ZNF99: variants seen among roughly 807,000 people sequenced by gnomAD.
ZNF99 encodes zinc finger protein ENSP00000375192.
A neutral mutation model predicts 12.8 loss-of-function variants in ZNF99; 8 were observed. The observed-to-expected ratio is 0.62, with a 90% CI of 0.37 to 1.13. ZNF99 has a LOEUF of 1.13. ZNF99 is among the 50% of genes most tolerant of loss of function. The pLI, the probability that ZNF99 is intolerant of heterozygous loss-of-function variation, is 0.02. For synonymous variants in ZNF99, 318 were observed against 319.0 expected (o/e 1.00, Z 0.03); for missense variants, 1,007 against 1,006.2 (o/e 1.00, Z -0.01).
chr19:22,757,713 G>C lies in ZNF99; in HGVS notation c.2196C>G (p.Pro732=). The C allele has an allele frequency of 6.2e-7, 1 of 1,611,928 alleles. No individual in the cohort carries two copies. Among genetic ancestry groups the C allele is most frequent in the Non-Finnish European group, 8.5e-7 (1 of 1,179,638 alleles). Residue 732 remains proline (P), a synonymous_variant, in exon 4 of 4, where the codon CCC becomes CCG. Transcript: ENST00000596209. Reference sequence around the variant, plus strand: ...CTTTACCACATTCTTCACATTTGTAGGGTTTCTCTCCAGTATGAATTATCT... The same window carrying C: ...CTTTACCACATTCTTCACATTTGTACGGTTTCTCTCCAGTATGAATTATCT... The part of the protein sequence containing the change: ...KHEIIHTGEK[P]YKCEECGKAF...
chr19:22,764,187 A>G (rs1268899264), intron 3 of ZNF99, among the ~76,000 whole-genome samples: 2 of 152,050 alleles, frequency 1.3e-5, no homozygotes, highest in Non-Finnish European at 2.9e-5. Flanking sequence ...GATTACAGGC[A>G]TGAGCCACCG....
intron 1 of ZNF99, among the ~76,000 whole-genome samples, chr19:22,780,855 A>C (rs982224080): frequency 5.3e-5 from 8 of 151,270 alleles, no homozygotes; most frequent in African/African-American, 1.7e-4. Context: ...TGATGTTTTC[A>C]TGAATCTAAG....
intron 1 of ZNF99, among the ~76,000 whole-genome samples, chr19:22,778,834 G>A (rs1251901014): frequency 3.3e-5 from 5 of 151,874 alleles, no homozygotes; most frequent in Admixed American, 1.3e-4. Context: ...AAGAAACCTC[G>A]TCTCTACTAA....
Position 22,784,106 on chromosome 19 carries a change from A to G in ZNF99, c.-90T>C. The G allele has an allele frequency of 1.4e-6, 2 of 1,444,066 alleles. No homozygotes were observed. Among genetic ancestry groups the G allele is most frequent in the South Asian group, 1.2e-5 (1 of 82,398 alleles). 89.5% of individuals were successfully genotyped at this position (1,444,066 alleles called of 1,614,324 possible). A position where few individuals can be genotyped will look rare whatever the true frequency, so the allele number is the denominator to read the frequency against. ...GCCACAGAGGCTAAGGACACAGAGC[A>G]GTAAAAACGAGATCCGGAGCTCCAG... On this transcript the variant is annotated 5_prime_UTR_variant, in exon 1 of 4. Coordinates refer to ENST00000596209, the MANE Select transcript of ZNF99 (RefSeq NM_001080409.3).
chr19:22,775,744 G>C lies in ZNF99; in HGVS notation c.4-6420C>G, dbSNP rs1167204599. ...CCTCCTTAAAAGTAAACAAAACGCAGCCAGGCGCGGTGGCTCATGCCTGTA... is the reference window on the plus strand; with the variant it reads ...CCTCCTTAAAAGTAAACAAAACGCACCCAGGCGCGGTGGCTCATGCCTGTA... On this transcript the variant is annotated intron_variant, in intron 1 of 3. Transcript: ENST00000596209. 2.0e-5 allele frequency among the ~76,000 whole-genome samples: 3 copies of C among 152,238 alleles called. No homozygotes were observed. The East Asian group carries it at 5.8e-4, about 29-fold the overall frequency.
intron 1 of ZNF99, among the ~76,000 whole-genome samples, chr19:22,780,635 C>T (rs1477215115): frequency 2.0e-5 from 3 of 149,938 alleles, no homozygotes; most frequent in East Asian, 3.9e-4. Flanking sequence ...AGGTTACAGT[C>T]AGCCAAGATC....
At chr19:22,767,757 A>G (rs1486268235) in intron 3 of ZNF99, among the ~76,000 whole-genome samples, 2 of 152,186 alleles carry the variant, frequency 1.3e-5, no homozygotes, top group Non-Finnish European at 2.9e-5. Context: ...ATGGACTGTA[A>G]TATTTTACAT....
chr19:22,779,220 A>C (rs565119087), intron 1 of ZNF99, among the ~76,000 whole-genome samples: 1 of 148,778 alleles, frequency 6.7e-6, no homozygotes, highest in East Asian at 2.0e-4. Context: ...CCTTTTTCTC[A>C]TTAAAAAATA....
intron 1 of ZNF99, among the ~76,000 whole-genome samples, chr19:22,778,185 T>C (rs1454446551): frequency 1.3e-5 from 2 of 151,762 alleles, no homozygotes; most frequent in Non-Finnish European, 2.9e-5. Context: ...GGCGGTCTGT[T>C]ATTAGAACTT....
At position 22,756,378 on chromosome 19, in the gene ZNF99, G is replaced by C. The variant is rs1489210739; in HGVS notation, c.*936C>G. ...TTGCCACATTCTTCACATTTGTAGGGTTTCTCTCCAGAATGAATTATCTTA... is the reference window on the plus strand; with the variant it reads ...TTGCCACATTCTTCACATTTGTAGGCTTTCTCTCCAGAATGAATTATCTTA... On this transcript the variant is annotated 3_prime_UTR_variant, in exon 4 of 4. Coordinates refer to ENST00000596209, the MANE Select transcript of ZNF99 (RefSeq NM_001080409.3). 6.3e-7 allele frequency: 1 copy of C among 1,596,040 alleles called. No homozygotes were observed. The highest frequency in any genetic ancestry group is 8.5e-7 in the Non-Finnish European group (1 of 1,174,032).
chr19:22,763,154 A>C (rs1973167906), intron 3 of ZNF99, among the ~76,000 whole-genome samples: 1 of 152,132 alleles, frequency 6.6e-6, no homozygotes, highest in South Asian at 2.1e-4. Flanking sequence ...AAAAGAGAAA[A>C]AAATAAAGGG....
chr19:22,777,021 A>G (rs1447033145), intron 1 of ZNF99, among the ~76,000 whole-genome samples: 1 of 152,110 alleles, frequency 6.6e-6, no homozygotes, highest in Non-Finnish European at 1.5e-5. Context: ...GCTTGGTGGC[A>G]CACACCTGTA....
At position 22,759,207 on chromosome 19, in the gene ZNF99, A is replaced by G; in HGVS notation, c.702T>C (p.Cys234=). 1.3e-6 allele frequency: 2 copies of G among 1,572,026 alleles called. No individual in the cohort carries two copies. The highest frequency in any genetic ancestry group is 1.7e-6 in the Non-Finnish European group (2 of 1,158,708). ...TTGAAGAGATGTTAAAAGCTTTGCCACATTTCTTATATTTGTAGGGTTTGT... is the reference window on the plus strand; with the variant it reads ...TTGAAGAGATGTTAAAAGCTTTGCCGCATTTCTTATATTTGTAGGGTTTGT... ...TEDKPYKYKK[C]GKAFNISSMF... is the part of the protein sequence containing the mutation. Residue 234 remains cysteine, a synonymous_variant, in exon 4 of 4, where the codon TGT becomes TGC. Coordinates refer to ENST00000596209, the MANE Select transcript of ZNF99 (RefSeq NM_001080409.3).
intron 3 of ZNF99, among the ~76,000 whole-genome samples, chr19:22,759,998 C>T (rs1275384310): frequency 2.0e-5 from 3 of 152,110 alleles, no homozygotes; most frequent in Non-Finnish European, 2.9e-5. Context: ...GACATGGTGT[C>T]GTTAGAAGTA....
Position 22,754,365 on chromosome 19 carries a change from TCAA to T in ZNF99, c.*2946_*2948del, listed in dbSNP as rs1568380697. On this transcript the variant is annotated 3_prime_UTR_variant, in exon 4 of 4. Transcript: ENST00000596209. ...TTGGGCGACAGAGTGAGACTCCATT[TCAA>T]AAAAAAAAAAAAAACTTTGCCACAT... is the stretch of plus-strand genomic sequence containing the variant. 5 of 371,518 alleles carry T rather than the reference TCAA, an allele frequency of 1.3e-5. No individual in the cohort carries two copies. Among genetic ancestry groups the T allele is most frequent in the East Asian group, 8.1e-5 (1 of 12,330 alleles). The allele number at this position is 371,518 out of a possible 1,614,324, so 23.0% of individuals were successfully genotyped here. A position where few individuals can be genotyped will look rare whatever the true frequency, so the allele number is the denominator to read the frequency against.
Position 22,755,287 on chromosome 19 carries a change from TAG to T in ZNF99, c.*2025_*2026del, listed in dbSNP as rs1238679683. ...AGCATTGCCACATTCTTCACATTTC[TAG>T]AGTTTGTCTTCAGTATCAACTATTT... On this transcript the variant is annotated 3_prime_UTR_variant, in exon 4 of 4. Transcript: ENST00000596209. 1 of 258,214 alleles carries T rather than the reference TAG, an allele frequency of 3.9e-6. No homozygotes were observed. Among genetic ancestry groups the T allele is most frequent in the Non-Finnish European group, 8.0e-6 (1 of 124,862 alleles). The allele number at this position is 258,214 out of a possible 1,614,324, so 16.0% of individuals were successfully genotyped here. A position where few individuals can be genotyped will look rare whatever the true frequency, so the allele number is the denominator to read the frequency against.
rs555552606 is a variant in ZNF99 at position 22,755,951 on chromosome 19, T to C, written c.*1363A>G. On this transcript the variant is annotated 3_prime_UTR_variant, in exon 4 of 4. Transcript: ENST00000596209. ...AAAGCTTTGTCACCTTTATTATATT[T>C]GTAGGGTTTTCCTCCAGTATCAATT... 93 of 457,440 alleles carry C rather than the reference T, an allele frequency of 2.0e-4. No homozygotes were observed. The Middle Eastern group carries it at 2.5e-3, about 12-fold the overall frequency. The allele number at this position is 457,440 out of a possible 1,614,324, so 28.3% of individuals were successfully genotyped here. A position where few individuals can be genotyped will look rare whatever the true frequency, so the allele number is the denominator to read the frequency against.
At chr19:22,769,455 G>T in intron 1 of ZNF99, 131 bp from the exon 2 acceptor site, 2 of 1,017,334 alleles carry the variant, frequency 2.0e-6, no homozygotes, top group Non-Finnish European at 2.8e-6. Flanking sequence ...AACGTATTCA[G>T]TAAAATAATT....
intron 3 of ZNF99, among the ~76,000 whole-genome samples, chr19:22,765,697 C>T (rs1188974575): frequency 2.0e-5 from 3 of 150,942 alleles, no homozygotes; most frequent in East Asian, 1.9e-4. Flanking sequence ...AAAAAAGCTA[C>T]ATGGTGGCCA....
Sources: gnomAD v4.1 joint callset for allele counts (sites outside exome capture counted in the v4.1 genomes callset) on GRCh38, gnomAD v4.1.1 for gene constraint, MANE v1.5 for transcripts, NCBI Gene and HGNC (gene_info 2026-07-23, HGNC 2026-07-21) for gene names.